HECTD4: variants seen among roughly 807,000 people sequenced by gnomAD.
HECTD4 encodes the protein probable E3 ubiquitin-protein ligase HECTD4.
In HECTD4, 114 loss-of-function variants were observed where a neutral mutation model predicts 471.5. The observed-to-expected ratio is 0.24, with a 90% CI of 0.21 to 0.28. HECTD4 has a LOEUF of 0.28. HECTD4 is among the 10% of genes least tolerant of loss of function. The pLI is 1.00. For missense variants in HECTD4, 3,866 were observed against 5,651.5 expected, an observed-to-expected ratio of 0.68 and a Z score of 10.13; for synonymous variants, 2,012 against 2,256.0, an observed-to-expected ratio of 0.89 and a Z score of 3.07.
At chr12:112,329,281 T>A (rs2135713310) in intron 1 of HECTD4, among the ~76,000 whole-genome samples, 1 of 152,308 alleles carries the variant, frequency 6.6e-6, no homozygotes, top group South Asian at 2.1e-4. Context: ...ACTGTATACA[T>A]ACTTCTTATC....
At chr12:112,324,291 G>C (rs530875904) in intron 1 of HECTD4, among the ~76,000 whole-genome samples, 1 of 150,006 alleles carries the variant, frequency 6.7e-6, no homozygotes, top group African/African-American at 2.5e-5. Context: ...CTAATTTTTT[G>C]TATTTTTTGT....
rs534876056 is a variant in HECTD4 at position 112,292,171 on chromosome 12, T to A, written c.1336-8869A>T. 1.8e-4 allele frequency among the ~76,000 whole-genome samples: 27 copies of A among 152,218 alleles called. 1 individual carries two copies. The highest frequency in any genetic ancestry group is 6.3e-4 in the African/African-American group (26 of 41,516). ...ATCTCCCATTACTCACTCTCATCAC[T>A]CCACTTGAGACACACAGACTTCTTG... On this transcript the variant is annotated intron_variant, in intron 7 of 75. Coordinates refer to ENST00000682272, the MANE Select transcript of HECTD4 (RefSeq NM_001388303.1).
chr12:112,337,336 A>G (rs1461462936), intron 1 of HECTD4, among the ~76,000 whole-genome samples: 1 of 152,204 alleles, frequency 6.6e-6, no homozygotes, highest in Non-Finnish European at 1.5e-5. Flanking sequence ...AGGGGGTAAT[A>G]CATTTTCTGG....
chr12:112,294,941 G>A (rs2034971665), intron 7 of HECTD4, among the ~76,000 whole-genome samples: 1 of 151,644 alleles, frequency 6.6e-6, no homozygotes, highest in Non-Finnish European at 1.5e-5. Flanking sequence ...AGTCTCTTGT[G>A]ATGTTTAATT....
chr12:112,291,535 A>T (rs2034885308), intron 7 of HECTD4, among the ~76,000 whole-genome samples: 1 of 152,026 alleles, frequency 6.6e-6, no homozygotes, highest in South Asian at 2.1e-4. Flanking sequence ...CAGGAGTTCA[A>T]GGCCAACCTG....
chr12:112,246,429 T>C (rs920585348), intron 29 of HECTD4, among the ~76,000 whole-genome samples: 1 of 151,896 alleles, frequency 6.6e-6, no homozygotes, highest in Non-Finnish European at 1.5e-5. Flanking sequence ...AGGTCAGGAG[T>C]TCGAGACCAA....
intron 2 of HECTD4, among the ~76,000 whole-genome samples, chr12:112,316,504 C>T (rs1447171463): frequency 2.6e-5 from 4 of 152,154 alleles, no homozygotes; most frequent in Admixed American, 2.6e-4. Context: ...CACTGTATCC[C>T]TACCACCAAG....
In HECTD4 at chr12:112,193,673, G is replaced by A. The variant is rs367828286; in HGVS notation, c.8751C>T (p.Asp2917=). 20 of 1,609,742 alleles carry A rather than the reference G, an allele frequency of 1.2e-5. No homozygotes were observed. Among genetic ancestry groups the A allele is most frequent in the South Asian group, 8.9e-5 (8 of 90,060 alleles). Residue 2917 remains aspartate, a splice_region_variant and synonymous_variant, in exon 57 of 76, where the codon GAC becomes GAT. Transcript: ENST00000682272. This position sits in a 1 kb window ranked among gnomAD's most constrained non-coding sequence, Gnocchi z 5.2. The stretch of plus-strand genomic sequence containing the variant: ...GGATCGAGCTGGAGCTGATGGTGCC[G>A]TCTGGGGACGGAAAGGAAACAGAAG... ...SNQLLAPPLP[D]GTISSSSILL...
chr12:112,331,367 T>A (rs1316157805), intron 1 of HECTD4, among the ~76,000 whole-genome samples: 1 of 152,076 alleles, frequency 6.6e-6, no homozygotes, highest in Admixed American at 6.6e-5. Flanking sequence ...CACCACACCT[T>A]GTCCAGCATC....
At position 112,251,007 on chromosome 12, in the gene HECTD4, G is replaced by T; in HGVS notation, c.3680C>A (p.Ala1227Asp). The T allele has an allele frequency of 6.2e-7, 1 of 1,613,484 alleles. No individual in the cohort carries two copies. ...NGPEITKEEE[A>D]CQELLRSKLL... Reference sequence around the variant, plus strand: ...TTTGGACCGCAATAGCTCCTGACAGGCTTCTTCTTCTTTGGTAATTTCTGG... The same window carrying T: ...TTTGGACCGCAATAGCTCCTGACAGTCTTCTTCTTCTTTGGTAATTTCTGG... Residue 1227 changes from alanine (A) to aspartate (D), a missense_variant, in exon 24 of 76, where the codon GCC becomes GAC. Around this residue, in one of 16 missense-constraint regions of HECTD4, gnomAD observed 281 missense variants for 499.9 expected, o/e 0.56. Coordinates refer to ENST00000682272, the MANE Select transcript of HECTD4 (RefSeq NM_001388303.1).
chr12:112,189,814 C>T (rs1394147755), intron 60 of HECTD4, among the ~76,000 whole-genome samples: 3 of 151,930 alleles, frequency 2.0e-5, no homozygotes, highest in African/African-American at 2.4e-5. Context: ...AGTGCAATGG[C>T]GCAATCTTGG....
Position 112,267,157 on chromosome 12 carries a change from A to G in HECTD4, c.2322-175T>C, listed in dbSNP as rs4767572. 0.062 allele frequency: 36,280 copies of G among 581,908 alleles called. 7,828 individuals carry two copies. The East Asian group carries it at 0.64, about 10-fold the overall frequency. The allele number at this position is 581,908 out of a possible 1,614,324, so 36.0% of individuals were successfully genotyped here. On this transcript the variant is annotated intron_variant, in intron 13 of 75. Transcript: ENST00000682272. The stretch of plus-strand genomic sequence containing the variant: ...ATTCGGCTGATCTGGCTGGCTAGGC[A>G]GGTGTGCCCTTCCTCCCTCACCGCT...
In HECTD4 at chr12:112,342,947, CTG is replaced by C. The variant is rs563204389; in HGVS notation, c.178-23207_178-23206del. ...TTCTTAGAAAGTTCCTTCAAAAACA[CTG>C]TAATTTATTACACTGATGCACATGT... is the stretch of plus-strand genomic sequence containing the variant. On this transcript the variant is annotated intron_variant, in intron 1 of 75. Coordinates refer to ENST00000682272, the MANE Select transcript of HECTD4 (RefSeq NM_001388303.1). Among the ~76,000 whole-genome samples the C allele has an allele frequency of 2.0e-3, 309 of 152,332 alleles. 1 individual carries two copies. The highest frequency in any genetic ancestry group is 3.5e-3 in the Non-Finnish European group (241 of 68,038).
At position 112,381,239 on chromosome 12, in the gene HECTD4, C is replaced by T. The variant is rs2036881074; in HGVS notation, c.177+713G>A. Among the ~76,000 whole-genome samples the T allele has an allele frequency of 6.6e-6, 1 of 152,338 alleles. No homozygotes were observed. Among genetic ancestry groups the T allele is most frequent in the South Asian group, 2.1e-4 (1 of 4,830 alleles). On this transcript the variant is annotated intron_variant, in intron 1 of 75. Coordinates refer to ENST00000682272, the MANE Select transcript of HECTD4 (RefSeq NM_001388303.1). The surrounding 1 kb of genome is among the most constrained non-coding windows in gnomAD (Gnocchi z 4.1). ...AGATCTGCTGTTGCACCTGCCACGG[C>T]TCTGAACCCGGGATGCTTGGCGACC...
At chr12:112,277,915 T>C (rs541832732) in intron 9 of HECTD4, among the ~76,000 whole-genome samples, 6 of 152,316 alleles carry the variant, frequency 3.9e-5, no homozygotes, top group Middle Eastern at 3.4e-3. Flanking sequence ...CCCAAGATAA[T>C]AGTTACTAAA....
intron 1 of HECTD4, among the ~76,000 whole-genome samples, chr12:112,359,739 G>C (rs1369334868): frequency 6.6e-6 from 1 of 151,268 alleles, no homozygotes; most frequent in Admixed American, 6.6e-5. Flanking sequence ...TTTTTTAATA[G>C]ACAAGATCTC....
intron 1 of HECTD4, among the ~76,000 whole-genome samples, chr12:112,346,147 A>G (rs2036145239): frequency 6.6e-6 from 1 of 152,192 alleles, no homozygotes; most frequent in African/African-American, 2.4e-5. Context: ...AGGTTAACCC[A>G]TTGGCCAAGG....
chr12:112,176,111 T>C (rs1490392415), intron 65 of HECTD4, among the ~76,000 whole-genome samples: 1 of 152,244 alleles, frequency 6.6e-6, no homozygotes, highest in African/African-American at 2.4e-5. Flanking sequence ...ACATCCCCTC[T>C]TTCTATGAAT....
In HECTD4 at chr12:112,190,829, G is replaced by C. The variant is rs1041116459; in HGVS notation, c.9429C>G (p.Asp3143Glu). The C allele has an allele frequency of 1.3e-6, 2 of 1,590,066 alleles. No homozygotes were observed. ...GCAGGAGGACGGATGTCGGAATGGT[G>C]TCAGGCTCATCTTCGGACTTCCCTT... ...DSEGKSEDEPDTIPTSVLLQV... is the reference protein window; with the variant it reads ...DSEGKSEDEPETIPTSVLLQV... The change falls in exon 60 of 76, where the codon GAC (aspartate) becomes GAG (glutamate). Residue 3143 changes from aspartate (D) to glutamate (E), a missense_variant. This residue lies in a region of HECTD4 where 364 missense variants were observed against 413.2 expected (regional missense o/e 0.88). Coordinates refer to ENST00000682272, the MANE Select transcript of HECTD4 (RefSeq NM_001388303.1).
Sources: gnomAD v4.1 joint callset for allele counts (sites outside exome capture counted in the v4.1 genomes callset) on GRCh38, gnomAD v4.1.1 for gene constraint, gnomAD v4.1.1 regional missense constraint, Gnocchi (gnomAD v3.1) non-coding constraint, MANE v1.5 for transcripts, NCBI Gene and HGNC (gene_info 2026-07-23, HGNC 2026-07-21) for gene names.